CCDC3: variants seen among roughly 807,000 people sequenced by gnomAD.
CCDC3 encodes the protein coiled-coil domain-containing protein 3.
A neutral mutation model predicts 21.4 loss-of-function variants in CCDC3; 24 were observed. The observed-to-expected ratio is 1.12, with a 90% CI of 0.81 to 1.58. CCDC3 has a LOEUF of 1.58. CCDC3 is among the 40% of genes most tolerant of loss of function. The pLI is 0.00. For missense variants in CCDC3, 425 were observed against 360.9 expected, an observed-to-expected ratio of 1.18 and a Z score of -1.44; for synonymous variants, 186 against 166.0, an observed-to-expected ratio of 1.12 and a Z score of -0.93.
At chr10:12,985,238 A>G (rs1377046582) in intron 2 of CCDC3, among the ~76,000 whole-genome samples, 2 of 152,244 alleles carry the variant, frequency 1.3e-5, no homozygotes, top group Non-Finnish European at 2.9e-5. Flanking sequence ...AGCACTGCAC[A>G]CCTATCAAAA....
intron 2 of CCDC3, among the ~76,000 whole-genome samples, chr10:12,991,813 C>T (rs897499452): frequency 3.3e-5 from 5 of 152,142 alleles, no homozygotes; most frequent in Admixed American, 6.6e-5. Flanking sequence ...CAGTTAGAAG[C>T]AATGCGGGGA....
intron 2 of CCDC3, among the ~76,000 whole-genome samples, chr10:12,969,664 T>G (rs1239420791): frequency 1.3e-5 from 2 of 149,932 alleles, no homozygotes; most frequent in Non-Finnish European, 3.0e-5. Context: ...ATATTATTCA[T>G]TCTTAAAAAA....
intron 5 of CCDC3, among the ~76,000 whole-genome samples, chr10:13,042,594 C>T (rs1936773386): frequency 6.6e-6 from 1 of 152,214 alleles, no homozygotes; most frequent in Non-Finnish European, 1.5e-5. Flanking sequence ...TGGTTACCTT[C>T]TAAAATAATG....
At chr10:13,019,528 T>A (rs575692280) in intron 5 of CCDC3, among the ~76,000 whole-genome samples, 1 of 152,226 alleles carries the variant, frequency 6.6e-6, no homozygotes, top group Non-Finnish European at 1.5e-5. Context: ...GTGATCAGCA[T>A]TGCACTAACT....
chr10:13,022,147 G>A (rs1033325034), intron 5 of CCDC3, among the ~76,000 whole-genome samples: 3 of 152,142 alleles, frequency 2.0e-5, no homozygotes, highest in Admixed American at 1.3e-4. Flanking sequence ...TGAGAGTACA[G>A]GAAATTCACT....
chr10:13,001,597 C>G lies in CCDC3; in HGVS notation c.-27G>C, dbSNP rs1835856685. 8.6e-7 allele frequency: 1 copy of G among 1,160,404 alleles called. No homozygotes were observed. 71.9% of individuals were successfully genotyped at this position (1,160,404 alleles called of 1,614,324 possible). ...CCGGGCCCTCCCGGGGCGCACGGGG[C>G]GGCGGCGGGGAGCCCGGGGAGCCCG... On this transcript the variant is annotated 5_prime_UTR_variant, in exon 1 of 3. Coordinates refer to ENST00000378825, the MANE Select transcript of CCDC3 (RefSeq NM_031455.4).
At chr10:13,053,352 T>A (rs1197596582) in intron 4 of CCDC3, among the ~76,000 whole-genome samples, 5 of 152,052 alleles carry the variant, frequency 3.3e-5, no homozygotes, top group African/African-American at 1.2e-4. Flanking sequence ...GAAGATCATT[T>A]GAGACCAGGA....
At chr10:13,038,173 A>G (rs1371618206) in intron 5 of CCDC3, among the ~76,000 whole-genome samples, 1 of 152,130 alleles carries the variant, frequency 6.6e-6, no homozygotes, top group Non-Finnish European at 1.5e-5. Context: ...ACATGGACAC[A>G]TGGCGGGGAA....
At chr10:12,913,643 AT>A (rs1451990055) in intron 2 of CCDC3, among the ~76,000 whole-genome samples, 1 of 152,230 alleles carries the variant, frequency 6.6e-6, no homozygotes. Flanking sequence ...AAGAGTGAAC[AT>A]CTTTGTCTTA....
chr10:12,940,601 T>C (rs1259947952), intron 2 of CCDC3, among the ~76,000 whole-genome samples: 1 of 151,560 alleles, frequency 6.6e-6, no homozygotes, highest in Non-Finnish European at 1.5e-5. Context: ...CATAACCTTG[T>C]AGAGCCTTAC....
intron 2 of CCDC3, among the ~76,000 whole-genome samples, chr10:12,930,484 A>G (rs1174885512): frequency 1.3e-5 from 2 of 152,216 alleles, no homozygotes; most frequent in Admixed American, 6.5e-5. Flanking sequence ...AGAGGTTTAC[A>G]TGACTTAAGA....
intron 2 of CCDC3, among the ~76,000 whole-genome samples, chr10:12,929,113 T>C (rs1834596993): frequency 6.6e-6 from 1 of 151,866 alleles, no homozygotes; most frequent in South Asian, 2.1e-4. Flanking sequence ...AATACAAAAA[T>C]TAGCTGGGCG....
At position 12,924,205 on chromosome 10, in the gene CCDC3, T is replaced by C. The variant is rs1313695268; in HGVS notation, c.550-25526A>G. 2.0e-5 allele frequency among the ~76,000 whole-genome samples: 3 copies of C among 152,246 alleles called. No homozygotes were observed. The East Asian group carries it at 5.8e-4, about 29-fold the overall frequency. The stretch of plus-strand genomic sequence containing the variant: ...AAAGGAGACTAAGAGCTGTATATTC[T>C]GTAGTCCAACTCTGTCTCTAAACCA... On this transcript the variant is annotated intron_variant, in intron 2 of 2. Coordinates refer to ENST00000378825, the MANE Select transcript of CCDC3 (RefSeq NM_031455.4).
intron 4 of CCDC3, among the ~76,000 whole-genome samples, chr10:13,071,984 G>A (rs556841007): frequency 1.3e-4 from 20 of 152,240 alleles, no homozygotes; most frequent in Admixed American, 4.6e-4. Context: ...GGTTGGTTTA[G>A]TACTGGGCTC....
At chr10:13,033,612 C>T (rs1201635355) in intron 5 of CCDC3, among the ~76,000 whole-genome samples, 2 of 152,140 alleles carry the variant, frequency 1.3e-5, no homozygotes, top group African/African-American at 2.4e-5. Context: ...GCCTAATATC[C>T]AGAATCTACA....
At chr10:13,038,852 C>T (rs1000363608) in intron 5 of CCDC3, among the ~76,000 whole-genome samples, 3 of 152,218 alleles carry the variant, frequency 2.0e-5, no homozygotes, top group African/African-American at 7.2e-5. Flanking sequence ...TTCTCCCACA[C>T]CATCCTGCAG....
rs78462853 is a variant in CCDC3 at position 12,928,911 on chromosome 10, G to A, written c.550-30232C>T. ...AGGGGAGGAAAGAGCAAGCTTTGGA[G>A]GCACCTGGTTGACTTCACCTGGAGG... is the stretch of plus-strand genomic sequence containing the variant. On this transcript the variant is annotated intron_variant, in intron 2 of 2. Coordinates refer to ENST00000378825, the MANE Select transcript of CCDC3 (RefSeq NM_031455.4). 7.2e-5 allele frequency among the ~76,000 whole-genome samples: 11 copies of A among 152,230 alleles called. No individual in the cohort carries two copies. In the East Asian group the frequency reaches 2.1e-3, roughly 29 times the overall value.
chr10:13,074,164 T>A (rs1298579202), intron 3 of CCDC3: 23 of 110,092 alleles, frequency 2.1e-4, no homozygotes, highest in African/African-American at 4.7e-4. Context: ...TTTTTTTTTT[T>A]TTTTTTTTTT....
At chr10:13,063,724 G>A (rs929611769) in intron 4 of CCDC3, among the ~76,000 whole-genome samples, 5 of 152,174 alleles carry the variant, frequency 3.3e-5, no homozygotes, top group Admixed American at 1.3e-4. Flanking sequence ...TCAGTATTTT[G>A]GCTTGCATGC....
Sources: gnomAD v4.1 joint callset for allele counts (sites outside exome capture counted in the v4.1 genomes callset) on GRCh38, gnomAD v4.1.1 for gene constraint, MANE v1.5 for transcripts, NCBI Gene and HGNC (gene_info 2026-07-23, HGNC 2026-07-21) for gene names.